Variants in ADAMTSL2 observed in about 807,000 individuals in gnomAD.
The protein encoded by ADAMTSL2 is ADAMTS-like protein 2.
ADAMTSL2 carries 55 observed loss-of-function variants against 117.0 expected under a neutral mutation model. The observed-to-expected ratio is 0.47, with a 90% CI of 0.38 to 0.59. The LOEUF is 0.59. Ranked by LOEUF, ADAMTSL2 falls within the 20% of genes least tolerant of loss-of-function variation. ADAMTSL2 has a pLI of 0.00. For synonymous variants in ADAMTSL2, 572 were observed against 566.4 expected, an observed-to-expected ratio of 1.01 and a Z score of -0.14; for missense variants, 1,182 against 1,354.5, an observed-to-expected ratio of 0.87 and a Z score of 2.00.
rs1293666079 is a variant in ADAMTSL2 at position 133,540,965 on chromosome 9, G to A, written c.646G>A (p.Val216Met). ...CQGDGSSCTH[V>M]TGNYRKGNAH... ...GGGGGACGGTAGCAGCTGCACCCAC[G>A]TGACGGGCAACTATCGCAAGGGGAA... is the stretch of plus-strand genomic sequence containing the variant. Residue 216 changes from valine (V) to methionine (M), a missense_variant, in exon 7 of 19, where the codon GTG (valine) becomes ATG (methionine). By Grantham distance (21) the Val-to-Met change is conservative (BLOSUM62 1). Around this residue, in one of 3 missense-constraint regions of ADAMTSL2, gnomAD observed 372 missense variants for 463.4 expected, o/e 0.80. Coordinates refer to ENST00000651351, the MANE Select transcript of ADAMTSL2 (RefSeq NM_014694.4). The A allele has an allele frequency of 6.2e-6, 10 of 1,613,328 alleles. No homozygotes were observed. The highest frequency in any genetic ancestry group is 2.2e-5 in the East Asian group (1 of 44,894).
intron 2 of ADAMTSL2, 63 bp downstream of exon 2, chr9:133,536,865 C>G (rs548854106): frequency 4.1e-5 from 66 of 1,610,396 alleles, no homozygotes; most frequent in Non-Finnish European, 5.3e-5. Context: ...TGTGATCACT[C>G]TCAGATGGAC....
intron 5 of ADAMTSL2, 143 bp from the exon 6 acceptor site, chr9:133,540,455 C>T (rs1830189566): frequency 2.5e-6 from 3 of 1,178,030 alleles, no homozygotes; most frequent in Admixed American, 2.0e-5. Context: ...CCACTGAGAC[C>T]TGGACAGGTT....
chr9:133,565,082 C>T (rs1275152660), intron 12 of ADAMTSL2, among the ~76,000 whole-genome samples: 4 of 152,254 alleles, frequency 2.6e-5, no homozygotes, highest in East Asian at 1.9e-4. Context: ...TGCCCTTCGG[C>T]GCTCCAGGGC....
chr9:133,550,619 G>GCTTGTCACC (rs1830459856), intron 9 of ADAMTSL2, among the ~76,000 whole-genome samples: 1 of 152,142 alleles, frequency 6.6e-6, no homozygotes, highest in African/African-American at 2.4e-5. Context: ...GATGTGATCA[G>GCTTGTCACC]CTTGTCACCC....
In ADAMTSL2 at chr9:133,570,397, A is replaced by G; in HGVS notation, c.2482A>G (p.Lys828Glu). The G allele has an allele frequency of 6.3e-7, 1 of 1,578,304 alleles. No individual in the cohort carries two copies. Among genetic ancestry groups the G allele is most frequent in the Non-Finnish European group, 8.6e-7 (1 of 1,163,422 alleles). ...LVLCMELANG[K>E]PQTRSGPECG... ...GCTCTGCATGGAGCTGGCCAACGGG[A>G]AGCCGCAGACGCGCAGTGGCCCCGA... Residue 828 changes from lysine (K) to glutamate (E), a missense_variant, in exon 17 of 19, where the codon AAG becomes GAG. By Grantham distance (56) the Lys-to-Glu change is moderately conservative. Around this residue, in one of 3 missense-constraint regions of ADAMTSL2, gnomAD observed 465 missense variants for 565.3 expected, o/e 0.82. Transcript: ENST00000651351.
At chr9:133,564,657 G>GGAGAGAGA (rs1277250397) in intron 12 of ADAMTSL2, among the ~76,000 whole-genome samples, 1 of 49,044 alleles carries the variant, frequency 2.0e-5, no homozygotes, top group Non-Finnish European at 4.3e-5. Context: ...AGGGAGAGAG[G>GGAGAGAGA]GAGAGAGAGA....
Position 133,561,263 on chromosome 9 carries a change from C to T in ADAMTSL2, c.1715C>T (p.Ser572Phe), listed in dbSNP as rs1830721841. The change falls in exon 12 of 19, where the codon TCC (serine) becomes TTC (phenylalanine). Residue 572 changes from serine to phenylalanine, a missense_variant. Physicochemically the swap from Ser to Phe is radical, Grantham distance 155 (BLOSUM62 -2). Coordinates refer to ENST00000651351, the MANE Select transcript of ADAMTSL2 (RefSeq NM_014694.4). ...GACATGTACCGGTGGAAGCTCTCGT[C>T]CCACGAGCCCTGCAGTGCCACCTGC... is the stretch of plus-strand genomic sequence containing the variant. Reference protein sequence around the residue: ...PADMYRWKLSSHEPCSATCTT... With the variant: ...PADMYRWKLSFHEPCSATCTT... The T allele has an allele frequency of 6.2e-7, 1 of 1,604,386 alleles. No individual in the cohort carries two copies. The highest frequency in any genetic ancestry group is 1.3e-5 in the African/African-American group (1 of 74,888).
chr9:133,556,335 TG>T (rs1450031549), intron 11 of ADAMTSL2, among the ~76,000 whole-genome samples: 5 of 152,190 alleles, frequency 3.3e-5, no homozygotes, highest in Non-Finnish European at 7.4e-5. Flanking sequence ...TATTTGCTAT[TG>T]TGGGCTCAGA....
rs1831035950 is a variant in ADAMTSL2, at chr9:133,568,756, C to G, written c.2242C>G (p.Pro748Ala). 10 of 1,612,954 alleles carry G rather than the reference C, an allele frequency of 6.2e-6. No homozygotes were observed. In the South Asian group the frequency reaches 1.1e-4, roughly 18 times the overall value. Residue 748 changes from proline (P) to alanine (A), a missense_variant and splice_region_variant, in exon 15 of 19, where the codon CCG (proline) becomes GCG (alanine). This residue lies in a region of ADAMTSL2 where 465 missense variants were observed against 565.3 expected (regional missense o/e 0.82). Coordinates refer to ENST00000651351, the MANE Select transcript of ADAMTSL2 (RefSeq NM_014694.4). The part of the protein sequence containing the change: ...DRQWTVSDWG[P>A]CSGSCGQGRT... ...GCAGTGGACCGTCTCCGACTGGGGA[C>G]CGGTGAGGCCTGCACTGAGGGGTGG...
intron 12 of ADAMTSL2, among the ~76,000 whole-genome samples, chr9:133,566,328 C>T (rs1053987775): frequency 1.2e-4 from 19 of 152,324 alleles, no homozygotes; most frequent in Admixed American, 1.2e-3. Flanking sequence ...GTAATCCCAG[C>T]TACTCGGGAG....
At chr9:133,569,610 C>G in intron 16 of ADAMTSL2, 32 bp downstream of exon 16, 2 of 1,550,916 alleles carry the variant, frequency 1.3e-6, no homozygotes, top group African/African-American at 1.4e-5. Context: ...GAAGGGCCTC[C>G]TGGTATCTGG....
At chr9:133,544,585 G>C in intron 8 of ADAMTSL2, 35 bp downstream of exon 8, 1 of 1,583,772 alleles carries the variant, frequency 6.3e-7, no homozygotes, top group Non-Finnish European at 8.7e-7. Flanking sequence ...GCCTCACTGA[G>C]CTTTTGGTTG....
chr9:133,545,877 C>T (rs535019008), intron 8 of ADAMTSL2, among the ~76,000 whole-genome samples: 8 of 152,222 alleles, frequency 5.3e-5, no homozygotes, highest in South Asian at 2.1e-4. Flanking sequence ...CACTCCCCCT[C>T]GCAGAACTTG....
In ADAMTSL2 at chr9:133,575,437, T is replaced by C. The variant is rs914263637; in HGVS notation, c.*573T>C. 13 of 160,600 alleles carry C rather than the reference T, an allele frequency of 8.1e-5. No homozygotes were observed. Among genetic ancestry groups the C allele is most frequent in the Non-Finnish European group, 1.8e-4 (13 of 72,862 alleles). The allele number at this position is 160,600 out of a possible 1,614,324, so 9.9% of individuals were successfully genotyped here. On this transcript the variant is annotated 3_prime_UTR_variant, in exon 19 of 19. Transcript: ENST00000651351. ...GCAGAGGCGCTTGCCCACGGGACGT[T>C]TGGGGATGGACCTCGGCCCCCGCCC...
Position 133,574,944 on chromosome 9 carries a change from C to G in ADAMTSL2, c.*80C>G. 1 of 1,127,502 alleles carries G rather than the reference C, an allele frequency of 8.9e-7. No homozygotes were observed. Among genetic ancestry groups the G allele is most frequent in the East Asian group, 2.4e-5 (1 of 41,964 alleles). 69.8% of individuals were successfully genotyped at this position (1,127,502 alleles called of 1,614,324 possible). ...CTGCAGCTTCTGGGGCCTCCACAGA[C>G]CCCCCTCCTGCGGGGCACGCTGGCC... is the stretch of plus-strand genomic sequence containing the variant. On this transcript the variant is annotated 3_prime_UTR_variant, in exon 19 of 19. Transcript: ENST00000651351.
Position 133,574,928 on chromosome 9 carries a change from C to T in ADAMTSL2, c.*64C>T. ...GCCCCTCCTGGGGCTGCTGCAGCTT[C>T]TGGGGCCTCCACAGACCCCCCTCCT... On this transcript the variant is annotated 3_prime_UTR_variant, in exon 19 of 19. Transcript: ENST00000651351. 1 of 1,333,122 alleles carries T rather than the reference C, an allele frequency of 7.5e-7. No individual in the cohort carries two copies. The highest frequency in any genetic ancestry group is 1.1e-6 in the Non-Finnish European group (1 of 926,970). The allele number at this position is 1,333,122 out of a possible 1,614,324, so 82.6% of individuals were successfully genotyped here.
chr9:133,570,514 T>C lies in ADAMTSL2; in HGVS notation c.2592+7T>C. ...CACCAGCCCCTGGTCAGAGGTGAGC[T>C]CCCAGCCGGCCCCTCTGAGGTTGCC... On this transcript the variant is annotated splice_region_variant and intron_variant, in intron 17 of 18. Coordinates refer to ENST00000651351, the MANE Select transcript of ADAMTSL2 (RefSeq NM_014694.4). 6.2e-7 allele frequency: 1 copy of C among 1,609,298 alleles called. No individual in the cohort carries two copies. Among genetic ancestry groups the C allele is most frequent in the Non-Finnish European group, 8.5e-7 (1 of 1,178,546 alleles).
At chr9:133,562,634 C>T (rs1256732257) in intron 12 of ADAMTSL2, among the ~76,000 whole-genome samples, 14 of 125,386 alleles carry the variant, frequency 1.1e-4, no homozygotes, top group African/African-American at 3.4e-4. Context: ...GGGCCCGGTT[C>T]GCACCGCCGT....
In ADAMTSL2 at chr9:133,536,614, G is replaced by A. The variant is rs760191683; in HGVS notation, c.-99G>A. On this transcript the variant is annotated 5_prime_UTR_variant, in exon 2 of 19. Transcript: ENST00000651351. ...AGTCCCAGATAACCTTGAGGCCTGGGCACTGGCTGGGCCCCGAGGGCTCTT... is the reference window on the plus strand; with the variant it reads ...AGTCCCAGATAACCTTGAGGCCTGGACACTGGCTGGGCCCCGAGGGCTCTT... The A allele has an allele frequency of 1.2e-6, 2 of 1,613,108 alleles. No individual in the cohort carries two copies. Among genetic ancestry groups the A allele is most frequent in the African/African-American group, 2.7e-5 (2 of 74,948 alleles).
Sources: allele counts gnomAD v4.1 joint callset (sites outside exome capture counted in the v4.1 genomes callset), GRCh38; gene constraint gnomAD v4.1.1; regional missense constraint gnomAD v4.1.1; transcripts MANE v1.5; gene names NCBI Gene and HGNC (gene_info 2026-07-23, HGNC 2026-07-21).